Variants in MROH1 observed in about 807,000 individuals in gnomAD.
The protein encoded by MROH1 is maestro heat-like repeat-containing protein family member 1.
Under a neutral mutation model 116.5 loss-of-function variants are expected in MROH1, and 117 were observed. The observed-to-expected ratio is 1.00, with a 90% CI of 0.86 to 1.17. MROH1 has a LOEUF of 1.17. Ranked by LOEUF, MROH1 falls within the 50% of genes most tolerant of loss-of-function variation. MROH1 has a pLI of 0.00. For missense variants in MROH1, 1,873 were observed against 1,338.5 expected (o/e 1.40, Z -6.23); for synonymous variants, 921 against 583.9 (o/e 1.58, Z -8.32).
At chr8:144,183,647 T>A (rs889746126) in intron 7 of MROH1, among the ~76,000 whole-genome samples, 1 of 143,330 alleles carries the variant, frequency 7.0e-6, no homozygotes, top group Non-Finnish European at 1.6e-5. Flanking sequence ...TCTTCTTTTT[T>A]CTTTTTTCTT....
At chr8:144,253,858 G>C (rs1337694424) in intron 33 of MROH1, among the ~76,000 whole-genome samples, 1 of 151,942 alleles carries the variant, frequency 6.6e-6, no homozygotes, top group Non-Finnish European at 1.5e-5. Flanking sequence ...TTGCTCCTGA[G>C]AGCCAGGTGA....
At position 144,220,616 on chromosome 8, in the gene MROH1, T is replaced by C. The variant is rs1305296111; in HGVS notation, c.1158T>C (p.Asp386=). The change falls in exon 13 of 44, where the codon GAT becomes GAC. Residue 386 remains aspartate (D), a synonymous_variant. Coordinates refer to ENST00000326134, the MANE Select transcript of MROH1 (RefSeq NM_032450.3). ...VINSAAAQME[D]KKPFILSSMR... ...TTCTTGCAGCTGCTCAGATGGAAGA[T>C]AAAAAGCCCTTTATCCTGTCTTCCA... 2 of 1,577,244 alleles carry C rather than the reference T, an allele frequency of 1.3e-6. No individual in the cohort carries two copies. Among genetic ancestry groups the C allele is most frequent in the Non-Finnish European group, 8.6e-7 (1 of 1,161,400 alleles).
chr8:144,205,019 T>C (rs1832517343), intron 12 of MROH1, among the ~76,000 whole-genome samples: 2 of 152,260 alleles, frequency 1.3e-5, no homozygotes, highest in African/African-American at 4.8e-5. Flanking sequence ...GCATTATTGC[T>C]TCATGTCCTC....
Position 144,163,732 on chromosome 8 carries a change from A to C in MROH1, c.-56-39A>C. ...TTGCCTGTGAACTCAGATATCGTAG[A>C]GGCTTATGAATTAAATCTTGTGATT... is the stretch of plus-strand genomic sequence containing the variant. On this transcript the variant is annotated intron_variant, in intron 2 of 43. Transcript: ENST00000326134. This position sits in a 1 kb window ranked among gnomAD's most constrained non-coding sequence, Gnocchi z 4.4. 1 of 1,279,876 alleles carries C rather than the reference A, an allele frequency of 7.8e-7. No individual in the cohort carries two copies. Among genetic ancestry groups the C allele is most frequent in the Non-Finnish European group, 1.1e-6 (1 of 891,668 alleles). The allele number at this position is 1,279,876 out of a possible 1,614,324, so 79.3% of individuals were successfully genotyped here.
Position 144,163,560 on chromosome 8 carries a change from A to T in MROH1, c.-56-211A>T, listed in dbSNP as rs1407026268. 6.6e-6 allele frequency among the ~76,000 whole-genome samples: 1 copy of T among 152,118 alleles called. No individual in the cohort carries two copies. Among genetic ancestry groups the T allele is most frequent in the Non-Finnish European group, 1.5e-5 (1 of 68,014 alleles). ...GCCAGTGAGGTGCTGGTAGGGACTG[A>T]TGGGTGCTCAGGGATGGAGGAGAGC... On this transcript the variant is annotated intron_variant, in intron 2 of 43. Transcript: ENST00000326134. This position sits in a 1 kb window ranked among gnomAD's most constrained non-coding sequence, Gnocchi z 4.4.
chr8:144,226,662 A>T (rs984179273), intron 14 of MROH1, among the ~76,000 whole-genome samples: 2 of 152,146 alleles, frequency 1.3e-5, no homozygotes, highest in Non-Finnish European at 2.9e-5. Flanking sequence ...TGTGTTGGCC[A>T]GGCTGGTCTC....
At chr8:144,185,398 G>A (rs1826713275) in intron 7 of MROH1, among the ~76,000 whole-genome samples, 1 of 151,872 alleles carries the variant, frequency 6.6e-6, no homozygotes, top group Non-Finnish European at 1.5e-5. Context: ...TTTATACCTA[G>A]TTCTTTGAAA....
intron 39 of MROH1, 74 bp from the exon 40 acceptor site, chr8:144,260,603 A>G (rs1270201470): frequency 2.3e-5 from 18 of 767,082 alleles, no homozygotes; most frequent in South Asian, 1.3e-4. Flanking sequence ...GCACCCATCA[A>G]TGGCAGGGGG....
In MROH1 at chr8:144,260,685, G is replaced by GC. The variant is rs1294712510; in HGVS notation, c.4389_4390insC (p.Glu1464ArgfsTer14). The GC allele has an allele frequency of 1.3e-6, 1 of 779,268 alleles. No homozygotes were observed. The highest frequency in any genetic ancestry group is 2.4e-6 in the Non-Finnish European group (1 of 417,782). 48.3% of individuals were successfully genotyped at this position (779,268 alleles called of 1,614,324 possible). The stretch of plus-strand genomic sequence containing the variant: ...CTGCATGTCCTTCCCAGGAGAAGAT[G>GC]GAGTTCCGGACGGCATCTATCCGCC... On this transcript the variant is annotated frameshift_variant, in exon 40 of 44. Coordinates refer to ENST00000326134, the MANE Select transcript of MROH1 (RefSeq NM_032450.3). LOFTEE classifies it high-confidence loss of function.
intron 1 of MROH1, among the ~76,000 whole-genome samples, chr8:144,148,439 C>G (rs1201944595): frequency 1.3e-5 from 2 of 152,062 alleles, no homozygotes; most frequent in Non-Finnish European, 2.9e-5. Flanking sequence ...TCCTGTGAGC[C>G]CGGTGGTCCC....
chr8:144,207,034 A>G (rs1362788024), intron 12 of MROH1, among the ~76,000 whole-genome samples: 2 of 151,858 alleles, frequency 1.3e-5, no homozygotes, highest in South Asian at 2.1e-4. Context: ...TTCTGTCTCA[A>G]TTAAAAGAGA....
At position 144,245,259 on chromosome 8, in the gene MROH1, G is replaced by A. The variant is rs1408450264; in HGVS notation, c.2870G>A (p.Ser957Asn). The change falls in exon 29 of 44, where the codon AGC (serine) becomes AAC (asparagine). Residue 957 changes from serine to asparagine, a missense_variant and splice_region_variant. By Grantham distance (46) the Ser-to-Asn change is conservative. Coordinates refer to ENST00000326134, the MANE Select transcript of MROH1 (RefSeq NM_032450.3). Reference protein sequence around the residue: ...LRYFLEHLRVSALVPFHNLGL... With the variant: ...LRYFLEHLRVNALVPFHNLGL... ...TACTTCCTGGAGCACCTGCGTGTCA[G>A]CGTGAGTACCTGGGTCCCTGGCCCG... The A allele has an allele frequency of 1.3e-6, 1 of 777,296 alleles. No individual in the cohort carries two copies. The highest frequency in any genetic ancestry group is 2.4e-6 in the Non-Finnish European group (1 of 417,754). 48.1% of individuals were successfully genotyped at this position (777,296 alleles called of 1,614,324 possible). A position where few individuals can be genotyped will look rare whatever the true frequency, so the allele number is the denominator to read the frequency against.
intron 4 of MROH1, among the ~76,000 whole-genome samples, chr8:144,174,565 C>G (rs935092451): frequency 6.6e-6 from 1 of 151,636 alleles, no homozygotes; most frequent in Non-Finnish European, 1.5e-5. Context: ...CTTACTGCAG[C>G]CTTGATCTCC....
At position 144,243,524 on chromosome 8, in the gene MROH1, A is replaced by T. The variant is rs1841375539; in HGVS notation, c.2383A>T (p.Ser795Cys). 1.8e-5 allele frequency: 14 copies of T among 780,000 alleles called. No homozygotes were observed. Among genetic ancestry groups the T allele is most frequent in the Non-Finnish European group, 2.4e-6 (1 of 417,834 alleles). The allele number at this position is 780,000 out of a possible 1,614,324, so 48.3% of individuals were successfully genotyped here. ...AGCCCTGAAGCTGTGCCTTGTCCAG[A>T]GTGTGTGCATGGTCAGCCGCGCCAT... ...DPALKLCLVQ[S>C]VCMVSRAICS... is the part of the protein sequence containing the mutation. The change falls in exon 25 of 44, where the codon AGT (serine) becomes TGT (cysteine). Residue 795 changes from serine to cysteine, a missense_variant. By Grantham distance (112) the Ser-to-Cys change is moderately radical. Coordinates refer to ENST00000326134, the MANE Select transcript of MROH1 (RefSeq NM_032450.3).
At chr8:144,261,240 C>A in intron 42 of MROH1, 24 bp downstream of exon 42, 1 of 761,168 alleles carries the variant, frequency 1.3e-6, no homozygotes, top group Non-Finnish European at 2.4e-6. Flanking sequence ...CCTGCCCCAC[C>A]CCCACGCCGC....
At chr8:144,249,146 C>G in intron 32 of MROH1, 117 bp downstream of exon 32, 2 of 679,488 alleles carry the variant, frequency 2.9e-6, no homozygotes, top group East Asian at 2.7e-5. Flanking sequence ...CGGGAGAAAA[C>G]AGTGAGGCTG....
chr8:144,203,556 A>T (rs1210654693), intron 12 of MROH1, among the ~76,000 whole-genome samples: 1 of 151,296 alleles, frequency 6.6e-6, no homozygotes, highest in African/African-American at 2.4e-5. Context: ...CGCTCTCTGG[A>T]GGGGAAGAGA....
chr8:144,186,760 G>A (rs1312669794), intron 7 of MROH1, among the ~76,000 whole-genome samples: 1 of 152,174 alleles, frequency 6.6e-6, no homozygotes, highest in African/African-American at 2.4e-5. Context: ...ACATAAGAAG[G>A]GAAACCACAT....
Position 144,244,548 on chromosome 8 carries a change from G to A in MROH1, c.2766+9G>A, listed in dbSNP as rs1841556511. The A allele has an allele frequency of 2.7e-6, 2 of 750,622 alleles. No homozygotes were observed. Among genetic ancestry groups the A allele is most frequent in the Non-Finnish European group, 5.0e-6 (2 of 402,784 alleles). 46.5% of individuals were successfully genotyped at this position (750,622 alleles called of 1,614,324 possible). On this transcript the variant is annotated intron_variant, in intron 28 of 43. Transcript: ENST00000326134. Reference sequence around the variant, plus strand: ...TGCAGATCATGATTGAGGTGTGCAGGGGGGAACTGTCATGGGGATGGGGAT... The same window carrying A: ...TGCAGATCATGATTGAGGTGTGCAGAGGGGAACTGTCATGGGGATGGGGAT...
Sources: allele counts gnomAD v4.1 joint callset (sites outside exome capture counted in the v4.1 genomes callset), GRCh38; gene constraint gnomAD v4.1.1; non-coding constraint Gnocchi (gnomAD v3.1); transcripts MANE v1.5; gene names NCBI Gene and HGNC (gene_info 2026-07-23, HGNC 2026-07-21).